The following ZNF564 variants were observed in gnomAD, a reference collection of about 807,000 sequenced individuals.
The protein encoded by ZNF564 is zinc finger protein 564.
Under a neutral mutation model 10.5 loss-of-function variants are expected in ZNF564, and 5 were observed. The ratio of observed to expected loss-of-function variants is 0.48; its 90% CI spans 0.25 to 1.00. ZNF564 has a LOEUF of 1.00. ZNF564 is among the 50% of genes least tolerant of loss of function. The probability of loss-of-function intolerance (pLI) is 0.16; values close to 1 mark genes in which losing one functional copy is unlikely to be tolerated. For missense variants in ZNF564, 603 were observed against 669.7 expected, an observed-to-expected ratio of 0.90 and a Z score of 1.10; for synonymous variants, 242 against 218.1, an observed-to-expected ratio of 1.11 and a Z score of -0.97.
At position 12,526,391 on chromosome 19, in the gene ZNF564, A is replaced by T. The variant is rs1232288646; in HGVS notation, c.*55T>A. ...AACAAGTCTGAAACCCAGAAAGCAA[A>T]CTGAAGACTTTCCATATTCTTTAGA... On this transcript the variant is annotated 3_prime_UTR_variant, in exon 4 of 4. Coordinates refer to ENST00000339282, the MANE Select transcript of ZNF564 (RefSeq NM_144976.4). 8.6e-6 allele frequency: 13 copies of T among 1,508,014 alleles called. No homozygotes were observed. The highest frequency in any genetic ancestry group is 1.2e-5 in the Non-Finnish European group (13 of 1,130,276). The allele number at this position is 1,508,014 out of a possible 1,614,324, so 93.4% of individuals were successfully genotyped here.
intron 1 of ZNF564, among the ~76,000 whole-genome samples, chr19:12,535,317 G>C (rs1463889313): frequency 1.3e-5 from 2 of 151,856 alleles, no homozygotes; most frequent in South Asian, 2.1e-4. Context: ...AGGTTGCAGT[G>C]AGCCAAGATC....
At position 12,549,302 on chromosome 19, in the gene ZNF564, G is replaced by A. The variant is rs185743728; in HGVS notation, c.3+2028C>T. On this transcript the variant is annotated intron_variant, in intron 1 of 3. Transcript: ENST00000339282. ...CAAGGGTTTACAAACCCAGGGAGAG[G>A]CAATGCTGACCTGGAATACAGACAT... is the stretch of plus-strand genomic sequence containing the variant. 1.1e-4 allele frequency among the ~76,000 whole-genome samples: 17 copies of A among 152,202 alleles called. No individual in the cohort carries two copies. The East Asian group carries it at 3.1e-3, about 28-fold the overall frequency.
intron 1 of ZNF564, among the ~76,000 whole-genome samples, chr19:12,535,665 T>C (rs2021893513): frequency 6.6e-6 from 1 of 152,160 alleles, no homozygotes; most frequent in African/African-American, 2.4e-5. Context: ...TAAACATTAA[T>C]GCATCCATAT....
rs189484273 is a variant in ZNF564, at chr19:12,525,596, C to T, written c.*850G>A. ...TGACTAAAGATGTCGAGCATTGTTA[C>T]GTGCTTATTGGCCATCTGGGTATCT... On this transcript the variant is annotated 3_prime_UTR_variant, in exon 4 of 4. Transcript: ENST00000339282. 1 of 152,166 alleles carries T rather than the reference C, an allele frequency of 6.6e-6. No homozygotes were observed. Among genetic ancestry groups the T allele is most frequent in the Non-Finnish European group, 1.5e-5 (1 of 68,038 alleles). The allele number at this position is 152,166 out of a possible 1,614,324, so 9.4% of individuals were successfully genotyped here.
In ZNF564 at chr19:12,526,780, T is replaced by C; in HGVS notation, c.1328A>G (p.His443Arg). 1 of 1,614,172 alleles carries C rather than the reference T, an allele frequency of 6.2e-7. No individual in the cohort carries two copies. Among genetic ancestry groups the C allele is most frequent in the African/African-American group, 1.3e-5 (1 of 75,040 alleles). The change falls in exon 4 of 4, where the codon CAC (histidine) becomes CGC (arginine). Residue 443 changes from histidine (H) to arginine (R), a missense_variant. Coordinates refer to ENST00000339282, the MANE Select transcript of ZNF564 (RefSeq NM_144976.4). ...ACATTTATAAGGTCCATCTCCAGTG[T>C]GCAGTATCATATGTTTTCTAATCCT... ...LKRIRKHMIL[H>R]TGDGPYKCQV...
At chr19:12,534,677 G>T (rs1030446942) in intron 1 of ZNF564, among the ~76,000 whole-genome samples, 1 of 152,098 alleles carries the variant, frequency 6.6e-6, no homozygotes, top group African/African-American at 2.4e-5. Flanking sequence ...AGCTGGGCAT[G>T]GTGGCACATG....
intron 1 of ZNF564, among the ~76,000 whole-genome samples, chr19:12,549,892 A>G (rs1411318090): frequency 6.6e-6 from 1 of 152,198 alleles, no homozygotes; most frequent in Non-Finnish European, 1.5e-5. Context: ...AGGAAAAGAT[A>G]GAGGGCCACA....
Position 12,526,815 on chromosome 19 carries a change from A to C in ZNF564, c.1293T>G (p.Ile431Met), listed in dbSNP as rs80339350. Reference protein sequence around the residue: ...YECQVCGKAFISLKRIRKHMI... With the variant: ...YECQVCGKAFMSLKRIRKHMI... The stretch of plus-strand genomic sequence containing the variant: ...TATGTTTTCTAATCCTTTTAAGAGA[A>C]ATGAAGGCTTTCCCACATACCTGAC... The change falls in exon 4 of 4, where the codon ATT becomes ATG. Residue 431 changes from isoleucine to methionine, a missense_variant. Ile to Met is a conservative substitution (Grantham distance 10). Transcript: ENST00000339282. 6.2e-7 allele frequency: 1 copy of C among 1,613,942 alleles called. No homozygotes were observed. The highest frequency in any genetic ancestry group is 8.5e-7 in the Non-Finnish European group (1 of 1,179,992).
intron 1 of ZNF564, among the ~76,000 whole-genome samples, chr19:12,536,668 A>G (rs898328596): frequency 6.6e-6 from 1 of 152,204 alleles, no homozygotes; most frequent in Non-Finnish European, 1.5e-5. Context: ...GAATTCGGAC[A>G]TGGATGAGTA....
intron 1 of ZNF564, among the ~76,000 whole-genome samples, chr19:12,545,382 T>C (rs2022132244): frequency 1.3e-5 from 2 of 152,132 alleles, no homozygotes; most frequent in Admixed American, 6.6e-5. Context: ...ACCAGATGTT[T>C]ACCTGGAGTC....
intron 1 of ZNF564, among the ~76,000 whole-genome samples, chr19:12,540,368 C>G (rs1255884587): frequency 6.6e-6 from 1 of 152,178 alleles, no homozygotes; most frequent in Non-Finnish European, 1.5e-5. Context: ...ACTCAATACA[C>G]AAATAAGTCT....
At chr19:12,548,085 G>A in intron 1 of ZNF564, 1 of 875,304 alleles carries the variant, frequency 1.1e-6, no homozygotes, top group Non-Finnish European at 1.4e-6. Context: ...TGGGATTACA[G>A]GCATGAGCCA....
At chr19:12,537,911 T>G (rs1001187605) in intron 1 of ZNF564, among the ~76,000 whole-genome samples, 2 of 152,058 alleles carry the variant, frequency 1.3e-5, no homozygotes, top group Admixed American at 1.3e-4. Context: ...GGGGAAGTTC[T>G]TGGAAGTTCT....
rs192128312 is a variant in ZNF564 at position 12,548,601 on chromosome 19, T to C, written c.3+2729A>G. 3.6e-5 allele frequency: 19 copies of C among 525,770 alleles called. 1 individual carries two copies. In the East Asian group the frequency reaches 4.5e-4, roughly 13 times the overall value. 32.6% of individuals were successfully genotyped at this position (525,770 alleles called of 1,614,324 possible). A position where few individuals can be genotyped will look rare whatever the true frequency, so the allele number is the denominator to read the frequency against. On this transcript the variant is annotated intron_variant, in intron 1 of 3. Transcript: ENST00000339282. ...TCCTGACCTCGTGATCCACCTGCCT[T>C]GGTGCTGGGATAACAGGCGTCAGCC...
chr19:12,526,954 A>G lies in ZNF564; in HGVS notation c.1154T>C (p.Ile385Thr). ...ISLPSVRRHMIKHTGDGPYKC... is the reference protein window; with the variant it reads ...ISLPSVRRHMTKHTGDGPYKC... ...ATAAGGTCCATCTCCAGTGTGCTTT[A>G]TCATGTGTCTTCGGACACTTGGGAG... is the stretch of plus-strand genomic sequence containing the variant. The change falls in exon 4 of 4, where the codon ATA (isoleucine) becomes ACA (threonine). Residue 385 changes from isoleucine to threonine, a missense_variant. Ile to Thr is a moderately conservative substitution (Grantham distance 89). Transcript: ENST00000339282. The G allele has an allele frequency of 6.2e-7, 1 of 1,614,082 alleles. No individual in the cohort carries two copies. The highest frequency in any genetic ancestry group is 8.5e-7 in the Non-Finnish European group (1 of 1,180,020).
At chr19:12,544,896 G>A (rs1209521200) in intron 1 of ZNF564, among the ~76,000 whole-genome samples, 1 of 152,108 alleles carries the variant, frequency 6.6e-6, no homozygotes, top group African/African-American at 2.4e-5. Flanking sequence ...CAGTCACAAG[G>A]AAACCCACAT....
intron 1 of ZNF564, among the ~76,000 whole-genome samples, chr19:12,532,060 C>G (rs75057049): frequency 0.016 from 2,406 of 152,094 alleles, 51 homozygotes; most frequent in African/African-American, 0.055. Flanking sequence ...GGAAAAAACA[C>G]AGAGATAAGC....
At chr19:12,548,457 C>T (rs2022193987) in intron 1 of ZNF564, among the ~76,000 whole-genome samples, 1 of 152,058 alleles carries the variant, frequency 6.6e-6, no homozygotes, top group Admixed American at 6.6e-5. Flanking sequence ...CCTTGTGATC[C>T]GCACACCTTG....
chr19:12,550,434 T>C, intron 1 of ZNF564: 1 of 181,094 alleles, frequency 5.5e-6, no homozygotes, highest in South Asian at 5.8e-5. Context: ...GGTGAGCGGA[T>C]CACCTGAGGT....
Sources: allele counts gnomAD v4.1 joint callset (sites outside exome capture counted in the v4.1 genomes callset), GRCh38; gene constraint gnomAD v4.1.1; transcripts MANE v1.5; gene names NCBI Gene and HGNC (gene_info 2026-07-23, HGNC 2026-07-21).